The following PRPSAP2 variants were observed in gnomAD, a reference collection of about 807,000 sequenced individuals.
PRPSAP2 encodes the protein phosphoribosyl pyrophosphate synthetase associated protein 2.
A neutral mutation model predicts 40.6 loss-of-function variants in PRPSAP2; 24 were observed. The observed-to-expected ratio is 0.59, with a 90% CI of 0.43 to 0.83. The LOEUF is 0.83. Ranked by LOEUF, PRPSAP2 falls within the 40% of genes least tolerant of loss-of-function variation. The probability of loss-of-function intolerance (pLI) is 0.00; values close to 1 mark genes in which losing one functional copy is unlikely to be tolerated. For missense variants in PRPSAP2, 292 were observed against 465.6 expected (o/e 0.63, Z 3.43); for synonymous variants, 149 against 164.7 (o/e 0.90, Z 0.73).
At chr17:18,881,175 T>TG (rs1279590354) in intron 6 of PRPSAP2, among the ~76,000 whole-genome samples, 3 of 145,608 alleles carry the variant, frequency 2.1e-5, no homozygotes, top group Non-Finnish European at 4.5e-5. Flanking sequence ...CTCACAGTAC[T>TG]AAAAAAAAAA....
chr17:18,881,304 C>G (rs530975783), intron 6 of PRPSAP2, among the ~76,000 whole-genome samples: 2 of 151,312 alleles, frequency 1.3e-5, no homozygotes, highest in African/African-American at 2.4e-5. Flanking sequence ...GGTGCGATCT[C>G]GGCTCACTGC....
At chr17:18,871,720 G>A (rs1344688453) in intron 4 of PRPSAP2, among the ~76,000 whole-genome samples, 2 of 150,610 alleles carry the variant, frequency 1.3e-5, no homozygotes, top group Non-Finnish European at 2.9e-5. Context: ...GAGTGCAATG[G>A]CACAATCTCG....
chr17:18,903,613 A>G (rs925145501), intron 8 of PRPSAP2, among the ~76,000 whole-genome samples: 1 of 152,080 alleles, frequency 6.6e-6, no homozygotes. Flanking sequence ...GTGTGCCTCT[A>G]GTCCCAGCTA....
intron 9 of PRPSAP2, among the ~76,000 whole-genome samples, chr17:18,913,105 T>G (rs2041063563): frequency 6.6e-6 from 1 of 152,160 alleles, no homozygotes; most frequent in Non-Finnish European, 1.5e-5. Flanking sequence ...GTTCTACCAG[T>G]CTTGGGTCTT....
At chr17:18,904,227 A>G (rs968721002) in intron 8 of PRPSAP2, 2 of 152,134 alleles carry the variant, frequency 1.3e-5, no homozygotes, top group Non-Finnish European at 2.9e-5. Flanking sequence ...ATTAAATACC[A>G]TTATGTAGAA....
chr17:18,872,662 CA>C lies in PRPSAP2; in HGVS notation c.239+17del. 1.3e-6 allele frequency: 2 copies of C among 1,570,644 alleles called. No individual in the cohort carries two copies. Among genetic ancestry groups the C allele is most frequent in the Non-Finnish European group, 1.8e-6 (2 of 1,141,666 alleles). On this transcript the variant is annotated intron_variant, in intron 5 of 11. Coordinates refer to ENST00000268835, the MANE Select transcript of PRPSAP2 (RefSeq NM_002767.4). Reference sequence around the variant, plus strand: ...AAACTGTTTCGAAGTGAGTATCCAGCAAAAGTGTTGCTTTCTGGGTTTCAGT... The same window carrying C: ...AAACTGTTTCGAAGTGAGTATCCAGCAAAGTGTTGCTTTCTGGGTTTCAGT...
intron 1 of PRPSAP2, chr17:18,860,746 TC>T (rs766719058): frequency 6.6e-6 from 1 of 152,200 alleles, no homozygotes; most frequent in Non-Finnish European, 1.5e-5. Context: ...ATGTGAGTCT[TC>T]CCCATCTGAA....
chr17:18,915,506 T>G (rs555291273), intron 9 of PRPSAP2, among the ~76,000 whole-genome samples: 14 of 152,280 alleles, frequency 9.2e-5, no homozygotes, highest in African/African-American at 3.1e-4. Flanking sequence ...TCACAGTTCT[T>G]CGGGCTGGTA....
chr17:18,893,242 G>A (rs1010158387), intron 8 of PRPSAP2, among the ~76,000 whole-genome samples: 29 of 146,102 alleles, frequency 2.0e-4, no homozygotes, highest in African/African-American at 6.1e-4. Flanking sequence ...TCTGCCTCCC[G>A]GGTACAAGCG....
At chr17:18,857,091 T>C (rs939464189), upstream of PRPSAP2, among the ~76,000 whole-genome samples, 10 of 152,100 alleles carry the variant, frequency 6.6e-5, no homozygotes, top group Non-Finnish European at 1.2e-4. Flanking sequence ...CCCAGGACTT[T>C]AGGAGGCGGA....
chr17:18,871,806 A>G (rs1450033948), intron 4 of PRPSAP2, among the ~76,000 whole-genome samples: 1 of 151,984 alleles, frequency 6.6e-6, no homozygotes, highest in Non-Finnish European at 1.5e-5. Flanking sequence ...GATTATAGGC[A>G]TGCACCACCA....
intron 9 of PRPSAP2, among the ~76,000 whole-genome samples, chr17:18,915,603 G>T (rs2041260149): frequency 6.6e-6 from 1 of 152,158 alleles, no homozygotes; most frequent in African/African-American, 2.4e-5. Flanking sequence ...AAGTGAGCAG[G>T]CGGGTGCAGA....
At chr17:18,893,153 C>CTTTTTT (rs71355574) in intron 8 of PRPSAP2, among the ~76,000 whole-genome samples, 1 of 124,996 alleles carries the variant, frequency 8.0e-6, no homozygotes, top group Non-Finnish European at 1.7e-5. Flanking sequence ...TTCAATTTAT[C>CTTTTTT]TTTTTTTTTT....
At chr17:18,884,763 G>A (rs2039007958) in intron 7 of PRPSAP2, among the ~76,000 whole-genome samples, 1 of 152,238 alleles carries the variant, frequency 6.6e-6, no homozygotes, top group Non-Finnish European at 1.5e-5. Flanking sequence ...ATTGAACGTG[G>A]TTCAGTTAGC....
intron 8 of PRPSAP2, among the ~76,000 whole-genome samples, chr17:18,902,154 C>T (rs972258761): frequency 1.3e-5 from 2 of 152,160 alleles, no homozygotes; most frequent in African/African-American, 4.8e-5. Context: ...ACTTTCCCAT[C>T]TGGGTGGACT....
intron 4 of PRPSAP2, among the ~76,000 whole-genome samples, chr17:18,870,263 G>A (rs953015952): frequency 6.6e-6 from 1 of 152,106 alleles, no homozygotes; most frequent in Non-Finnish European, 1.5e-5. Context: ...GCCGGGTGCG[G>A]TGGCTCACTC....
intron 8 of PRPSAP2, among the ~76,000 whole-genome samples, chr17:18,906,685 A>C (rs1407713495): frequency 6.6e-6 from 1 of 151,856 alleles, no homozygotes; most frequent in African/African-American, 2.4e-5. Context: ...TGATTTAAGC[A>C]TGAGTTTTTT....
chr17:18,923,412 T>G (rs2041809332), intron 9 of PRPSAP2, among the ~76,000 whole-genome samples: 1 of 152,138 alleles, frequency 6.6e-6, no homozygotes, highest in South Asian at 2.1e-4. Context: ...GGCGTGGAAT[T>G]GCTTTCTCAA....
At chr17:18,906,818 A>T (rs2040619670) in intron 8 of PRPSAP2, among the ~76,000 whole-genome samples, 1 of 152,162 alleles carries the variant, frequency 6.6e-6, no homozygotes, top group Non-Finnish European at 1.5e-5. Context: ...AAGTGCTGGG[A>T]TTACAGGCGT....
Sources: allele counts gnomAD v4.1 joint callset (sites outside exome capture counted in the v4.1 genomes callset), GRCh38; gene constraint gnomAD v4.1.1; transcripts MANE v1.5; gene names NCBI Gene and HGNC (gene_info 2026-07-23, HGNC 2026-07-21).